The following MYEF2 variants were observed in gnomAD, a reference collection of about 807,000 sequenced individuals.
MYEF2 encodes the protein myelin gene expression factor 2.
Under a neutral mutation model 75.2 loss-of-function variants are expected in MYEF2, and 37 were observed. That is an observed-to-expected ratio of 0.49 (90% confidence interval 0.38 to 0.65). The LOEUF (loss-of-function observed/expected upper bound fraction) is 0.65, where lower values mean the gene tolerates loss of function less well. Among genes scored for constraint, MYEF2 ranks in the 30% least tolerant of loss-of-function variants. The pLI, the probability that MYEF2 is intolerant of heterozygous loss-of-function variation, is 0.00. For missense variants in MYEF2, 634 were observed against 771.4 expected (o/e 0.82, Z 2.11); for synonymous variants, 195 against 241.6 (o/e 0.81, Z 1.79).
chr15:48,146,152 CTAAAG>C (rs1255285717), intron 16 of MYEF2, among the ~76,000 whole-genome samples: 1 of 151,886 alleles, frequency 6.6e-6, no homozygotes, highest in Admixed American at 6.6e-5. Flanking sequence ...CAGAATGCAG[CTAAAG>C]TATACAGATG....
chr15:48,161,769 C>A (rs955467375), intron 5 of MYEF2, among the ~76,000 whole-genome samples: 1 of 150,158 alleles, frequency 6.7e-6, no homozygotes, highest in African/African-American at 2.4e-5. Context: ...TAGTACATGT[C>A]CTTTGAAGAG....
intron 1 of MYEF2, among the ~76,000 whole-genome samples, chr15:48,177,753 G>C (rs544604066): frequency 1.6e-4 from 24 of 152,280 alleles, no homozygotes; most frequent in Admixed American, 1.6e-3. Flanking sequence ...TGCAAACCGT[G>C]GCGGTCGCTG....
At chr15:48,175,046 T>G (rs912085114) in intron 1 of MYEF2, among the ~76,000 whole-genome samples, 2 of 152,146 alleles carry the variant, frequency 1.3e-5, no homozygotes, top group African/African-American at 4.8e-5. Context: ...TAAGTGTCCA[T>G]TGACAGATAA....
At chr15:48,169,169 A>G (rs2040235385) in intron 1 of MYEF2, among the ~76,000 whole-genome samples, 1 of 152,160 alleles carries the variant, frequency 6.6e-6, no homozygotes, top group Non-Finnish European at 1.5e-5. Context: ...AGATAATTTT[A>G]CTTCTAAGGT....
rs1157491970 is a variant in MYEF2 at position 48,142,840 on chromosome 15, T to TA, written c.*67dup. On this transcript the variant is annotated 3_prime_UTR_variant, in exon 17 of 17. Coordinates refer to ENST00000324324, the MANE Select transcript of MYEF2 (RefSeq NM_016132.5). ...CTTTTGTAAGCATACAATATTACTT[T>TA]AAAAAAATGACTTTTACTAGGAGAT... The TA allele has an allele frequency of 4.8e-6, 7 of 1,450,680 alleles. No individual in the cohort carries two copies. The highest frequency in any genetic ancestry group is 1.4e-5 in the South Asian group (1 of 73,274). The allele number at this position is 1,450,680 out of a possible 1,614,324, so 89.9% of individuals were successfully genotyped here.
rs79762992 is a variant in MYEF2 at position 48,161,189 on chromosome 15, A to G, written c.526-1385T>C. Among the ~76,000 whole-genome samples, 1,273 of 152,228 alleles carry G rather than the reference A, an allele frequency of 8.4e-3. 10 individuals carry two copies. Among genetic ancestry groups the G allele is most frequent in the African/African-American group, 0.029 (1,215 of 41,568 alleles). On this transcript the variant is annotated intron_variant, in intron 5 of 16. Coordinates refer to ENST00000324324, the MANE Select transcript of MYEF2 (RefSeq NM_016132.5). ...AAAACATATATAAAATAAAATTTAT[A>G]TAAAACAAACCACCTACTATATAAC... is the stretch of plus-strand genomic sequence containing the variant.
At chr15:48,162,682 G>A (rs2039985480) in intron 5 of MYEF2, 1 of 152,132 alleles carries the variant, frequency 6.6e-6, no homozygotes, top group African/African-American at 2.4e-5. Flanking sequence ...CTCACTTTGT[G>A]TCTCCGTATC....
At chr15:48,147,267 T>G (rs751279084) in intron 16 of MYEF2, among the ~76,000 whole-genome samples, 1 of 151,974 alleles carries the variant, frequency 6.6e-6, no homozygotes, top group South Asian at 2.1e-4. Flanking sequence ...CACTTGAAGT[T>G]TGCTGCAAGC....
rs1358253840 is a variant in MYEF2, at chr15:48,159,635, C to G, written c.695G>C (p.Gly232Ala). The G allele has an allele frequency of 1.9e-6, 3 of 1,610,306 alleles. No individual in the cohort carries two copies. The highest frequency in any genetic ancestry group is 1.3e-5 in the African/African-American group (1 of 74,688). The change falls in exon 6 of 17, where the codon GGT (glycine) becomes GCT (alanine). Residue 232 changes from glycine (G) to alanine (A), a missense_variant. Gly to Ala is a moderately conservative substitution (Grantham distance 60). Transcript: ENST00000324324. The stretch of plus-strand genomic sequence containing the variant: ...TACATTGGCAACAAAAATTGTGGAA[C>G]CAAGTCTACCGGCCTGCAAATTACT... ...VISNLQAGRLGSTIFVANLDF... is the reference protein window; with the variant it reads ...VISNLQAGRLASTIFVANLDF...
rs1431845814 is a variant in MYEF2, at chr15:48,140,743, A to G, written c.*2165T>C. On this transcript the variant is annotated 3_prime_UTR_variant, in exon 17 of 17. Coordinates refer to ENST00000324324, the MANE Select transcript of MYEF2 (RefSeq NM_016132.5). ...TAATTAATTTGCTTAACTCTGACTAATATTTTTAAGAAAGAAAAAGCGGAA... is the reference window on the plus strand; with the variant it reads ...TAATTAATTTGCTTAACTCTGACTAGTATTTTTAAGAAAGAAAAAGCGGAA... 5.1e-6 allele frequency: 1 copy of G among 195,310 alleles called. No homozygotes were observed. Among genetic ancestry groups the G allele is most frequent in the African/African-American group, 2.4e-5 (1 of 42,280 alleles). The allele number at this position is 195,310 out of a possible 1,614,324, so 12.1% of individuals were successfully genotyped here.
chr15:48,150,428 T>C (rs989390056), intron 14 of MYEF2, among the ~76,000 whole-genome samples: 3 of 151,902 alleles, frequency 2.0e-5, no homozygotes, highest in African/African-American at 4.8e-5. Context: ...ATTTGATCAA[T>C]TAAAGGAAGT....
chr15:48,141,593 C>CAA lies in MYEF2; in HGVS notation c.*1313_*1314dup, dbSNP rs202102577. Reference sequence around the variant, plus strand: ...AGACTGTGTCTCAAAAAACAAAAACCAAAAAAAAAAAAAAAAGTTTACTTC... The same window carrying CAA: ...AGACTGTGTCTCAAAAAACAAAAACCAAAAAAAAAAAAAAAAAAGTTTACTTC... On this transcript the variant is annotated 3_prime_UTR_variant, in exon 17 of 17. Coordinates refer to ENST00000324324, the MANE Select transcript of MYEF2 (RefSeq NM_016132.5). 26 of 104,680 alleles carry CAA rather than the reference C, an allele frequency of 2.5e-4. No homozygotes were observed. Among genetic ancestry groups the CAA allele is most frequent in the East Asian group, 6.8e-4 (3 of 4,388 alleles). 6.5% of individuals were successfully genotyped at this position (104,680 alleles called of 1,614,324 possible).
chr15:48,137,740 A>G lies in MYEF2; in HGVS notation c.*5168T>C, dbSNP rs1214721100. On this transcript the variant is annotated 3_prime_UTR_variant, in exon 17 of 17. Transcript: ENST00000324324. ...CTATGTTTTAATCTTGACTGAGAAA[A>G]TGGGAACAGCACTTATTAAAACTGG... 2 of 152,158 alleles carry G rather than the reference A, an allele frequency of 1.3e-5. No homozygotes were observed. Among genetic ancestry groups the G allele is most frequent in the African/African-American group, 4.8e-5 (2 of 41,452 alleles). The allele number at this position is 152,158 out of a possible 1,614,324, so 9.4% of individuals were successfully genotyped here.
chr15:48,157,799 A>G, intron 9 of MYEF2, 194 bp downstream of exon 9: 1 of 1,318,402 alleles, frequency 7.6e-7, no homozygotes, highest in East Asian at 2.7e-5. Context: ...GTTACCAAAG[A>G]GAAAAAAAAA....
rs923663457 is a variant in MYEF2, at chr15:48,139,442, G to C, written c.*3466C>G. 3.8e-6 allele frequency: 1 copy of C among 261,600 alleles called. No individual in the cohort carries two copies. The highest frequency in any genetic ancestry group is 7.3e-6 in the Non-Finnish European group (1 of 137,496). The allele number at this position is 261,600 out of a possible 1,614,324, so 16.2% of individuals were successfully genotyped here. ...ATAAATGAAATCAAATTCATAGGATGTCTTTTTATTATGCTAATAATTTAA... is the reference window on the plus strand; with the variant it reads ...ATAAATGAAATCAAATTCATAGGATCTCTTTTTATTATGCTAATAATTTAA... On this transcript the variant is annotated 3_prime_UTR_variant, in exon 17 of 17. Transcript: ENST00000324324.
chr15:48,141,817 T>C lies in MYEF2; in HGVS notation c.*1091A>G, dbSNP rs561254972. ...CTATATACCTTATTGAAAAATGGTT[T>C]AATAAATATAATTATTAAATAAATG... On this transcript the variant is annotated 3_prime_UTR_variant, in exon 17 of 17. Coordinates refer to ENST00000324324, the MANE Select transcript of MYEF2 (RefSeq NM_016132.5). The C allele has an allele frequency of 2.7e-4, 91 of 341,398 alleles. 1 individual carries two copies. The South Asian group carries it at 7.9e-3, about 30-fold the overall frequency. 21.1% of individuals were successfully genotyped at this position (341,398 alleles called of 1,614,324 possible).
Position 48,149,314 on chromosome 15 carries a change from C to T in MYEF2, c.1436G>A (p.Arg479Gln), listed in dbSNP as rs1168118744. 5.2e-5 allele frequency: 84 copies of T among 1,612,988 alleles called. No individual in the cohort carries two copies. Among genetic ancestry groups the T allele is most frequent in the Non-Finnish European group, 6.6e-5 (78 of 1,179,296 alleles). The change falls in exon 15 of 17, where the codon CGG becomes CAG. Residue 479 changes from arginine (R) to glutamine (Q), a missense_variant. Physicochemically the swap from Arg to Gln is conservative, Grantham distance 43. Coordinates refer to ENST00000324324, the MANE Select transcript of MYEF2 (RefSeq NM_016132.5). The surrounding 1 kb of genome is among the most constrained non-coding windows in gnomAD (Gnocchi z 4.0). ...VTGGMGMGLD[R>Q]MSSSFDRMGP... ...CATTCTATCAAAGCTGGAACTCATC[C>T]GGTCCAGTCCCATCCCCATTCCTCC...
chr15:48,151,216 TCA>T, intron 13 of MYEF2, 45 bp from the exon 14 acceptor site: 2 of 1,493,930 alleles, frequency 1.3e-6, no homozygotes, highest in Non-Finnish European at 1.8e-6. Flanking sequence ...TTTTAAATAA[TCA>T]TACTTTAAAA....
At chr15:48,162,099 C>T (rs1294030867) in intron 5 of MYEF2, among the ~76,000 whole-genome samples, 2 of 151,714 alleles carry the variant, frequency 1.3e-5, no homozygotes, top group Admixed American at 1.3e-4. Flanking sequence ...ACCCCAGACT[C>T]AAACAGGACT....
Sources: gnomAD v4.1 joint callset for allele counts (sites outside exome capture counted in the v4.1 genomes callset) on GRCh38, gnomAD v4.1.1 for gene constraint, Gnocchi (gnomAD v3.1) non-coding constraint, MANE v1.5 for transcripts, NCBI Gene and HGNC (gene_info 2026-07-23, HGNC 2026-07-21) for gene names.